The following SEC24B variants were observed in gnomAD, a reference collection of about 807,000 sequenced individuals.
SEC24B encodes protein transport protein Sec24B.
A neutral mutation model predicts 142.8 loss-of-function variants in SEC24B; 45 were observed. The observed-to-expected ratio is 0.32, with a 90% CI of 0.25 to 0.40. The LOEUF is 0.40. SEC24B is among the 10% of genes least tolerant of loss of function. The probability of loss-of-function intolerance (pLI) is 1.00; values close to 1 mark genes in which losing one functional copy is unlikely to be tolerated. For synonymous variants in SEC24B, 574 were observed against 568.2 expected, an observed-to-expected ratio of 1.01 and a Z score of -0.15; for missense variants, 1,409 against 1,526.8, an observed-to-expected ratio of 0.92 and a Z score of 1.29.
intron 3 of SEC24B, among the ~76,000 whole-genome samples, chr4:109,475,976 CTTT>C (rs1380504234): frequency 6.8e-6 from 1 of 146,520 alleles, no homozygotes; most frequent in African/African-American, 2.7e-5. Flanking sequence ...ATCATTACAA[CTTT>C]TTCTCTCTCT....
chr4:109,495,298 C>T (rs925332265), intron 6 of SEC24B, among the ~76,000 whole-genome samples: 2 of 152,190 alleles, frequency 1.3e-5, no homozygotes, highest in Non-Finnish European at 2.9e-5. Flanking sequence ...ACATAACTCA[C>T]CTTGATGAGA....
chr4:109,463,796 A>T (rs775864804), intron 2 of SEC24B, 152 bp downstream of exon 2: 30 of 1,273,262 alleles, frequency 2.4e-5, no homozygotes, highest in Non-Finnish European at 3.2e-5. Flanking sequence ...ACCTCTTTGA[A>T]CCCTTTCTTC....
chr4:109,434,531 G>C (rs1198570902), intron 1 of SEC24B, among the ~76,000 whole-genome samples: 3 of 152,176 alleles, frequency 2.0e-5, no homozygotes, highest in Non-Finnish European at 4.4e-5. Context: ...CAGCGAACAC[G>C]CTGCCTTGAG....
chr4:109,530,856 G>A (rs12641472), intron 19 of SEC24B, among the ~76,000 whole-genome samples: 6,905 of 136,464 alleles, frequency 0.051, 183 homozygotes, highest in African/African-American at 0.078. Flanking sequence ...AGATCATGCC[G>A]CTGCACCCCA....
chr4:109,467,185 G>A (rs1377081110), intron 2 of SEC24B, among the ~76,000 whole-genome samples: 1 of 151,502 alleles, frequency 6.6e-6, no homozygotes, highest in African/African-American at 2.4e-5. Context: ...AATTAGCCGG[G>A]CGTGGTAGCG....
intron 4 of SEC24B, among the ~76,000 whole-genome samples, chr4:109,482,601 C>G (rs977829967): frequency 6.6e-6 from 1 of 152,028 alleles, no homozygotes; most frequent in East Asian, 1.9e-4. Flanking sequence ...TACACATAAA[C>G]TAAAGATAAT....
chr4:109,520,386 C>G lies in SEC24B; in HGVS notation c.2147C>G (p.Thr716Arg). ...TTTAGGCTTCCTGGAGATTCACGAA[C>G]AAGAATAGGATTCATGACCTTTGAT... ...NLDKLPGDSR[T>R]RIGFMTFDST... Residue 716 changes from threonine to arginine, a missense_variant, in exon 12 of 24, where the codon ACA (threonine) becomes AGA (arginine). Physicochemically the swap from Thr to Arg is moderately conservative, Grantham distance 71. This residue lies in a region of SEC24B where 700 missense variants were observed against 853.3 expected (regional missense o/e 0.82). Transcript: ENST00000265175. 3 of 1,607,182 alleles carry G rather than the reference C, an allele frequency of 1.9e-6. No homozygotes were observed. The highest frequency in any genetic ancestry group is 2.6e-6 in the Non-Finnish European group (3 of 1,175,856).
chr4:109,465,403 G>C (rs1356718695), intron 2 of SEC24B, among the ~76,000 whole-genome samples: 1 of 152,176 alleles, frequency 6.6e-6, no homozygotes, highest in Non-Finnish European at 1.5e-5. Context: ...TTTTACTGTA[G>C]TCCTTTTGTT....
intron 22 of SEC24B, among the ~76,000 whole-genome samples, chr4:109,536,630 C>T (rs528261224): frequency 2.6e-5 from 4 of 152,150 alleles, no homozygotes; most frequent in East Asian, 3.9e-4. Context: ...CCCGGGTTCG[C>T]GCCATTCTCC....
At chr4:109,516,851 A>C (rs530145548) in intron 11 of SEC24B, among the ~76,000 whole-genome samples, 1 of 152,280 alleles carries the variant, frequency 6.6e-6, no homozygotes, top group Admixed American at 6.5e-5. Context: ...AAAATCTAGT[A>C]TTTAGTCAGG....
intron 7 of SEC24B, among the ~76,000 whole-genome samples, chr4:109,506,796 A>C (rs1736735319): frequency 6.6e-6 from 1 of 152,158 alleles, no homozygotes; most frequent in African/African-American, 2.4e-5. Flanking sequence ...TTTATTTCTT[A>C]AATCTTTTTC....
At chr4:109,480,273 C>T (rs1733602964) in intron 3 of SEC24B, among the ~76,000 whole-genome samples, 1 of 150,316 alleles carries the variant, frequency 6.7e-6, no homozygotes. Flanking sequence ...TGCTAGTCAC[C>T]TGAAAAAAAA....
chr4:109,519,145 A>G (rs1462251060), intron 11 of SEC24B, among the ~76,000 whole-genome samples: 2 of 152,040 alleles, frequency 1.3e-5, no homozygotes, highest in Admixed American at 6.6e-5. Context: ...AAGAGGGTAC[A>G]CCATTCTTGG....
chr4:109,532,656 T>A lies in SEC24B; in HGVS notation c.3408T>A (p.Asn1136Lys), dbSNP rs765513692. 4 of 1,613,256 alleles carry A rather than the reference T, an allele frequency of 2.5e-6. No homozygotes were observed. The highest frequency in any genetic ancestry group is 3.4e-6 in the Non-Finnish European group (4 of 1,179,242). ...RLTDEGAVHV[N>K]DRIVPQPPLQ... ...CTTTTCAGGGTGCAGTACATGTTAA[T>A]GACAGGATTGTACCACAGCCACCTC... is the stretch of plus-strand genomic sequence containing the variant. The change falls in exon 21 of 24, where the codon AAT (asparagine) becomes AAA (lysine). Residue 1136 changes from asparagine (N) to lysine (K), a missense_variant. Coordinates refer to ENST00000265175, the MANE Select transcript of SEC24B (RefSeq NM_006323.5).
chr4:109,472,615 A>G (rs1388775173), intron 2 of SEC24B, among the ~76,000 whole-genome samples: 2 of 152,204 alleles, frequency 1.3e-5, no homozygotes, highest in Non-Finnish European at 2.9e-5. Context: ...TACCTGAGTC[A>G]CCATTGCATA....
chr4:109,521,473 A>G lies in SEC24B; in HGVS notation c.2355A>G (p.Glu785=), dbSNP rs1723607283. Residue 785 remains glutamate (E), a synonymous_variant, in exon 14 of 24, where the codon GAA becomes GAG. Coordinates refer to ENST00000265175, the MANE Select transcript of SEC24B (RefSeq NM_006323.5). Reference sequence around the variant, plus strand: ...CAAACATGTTCACCAATACAAGAGAAACACACAGTGCCCTTGGTCCTGCAC... The same window carrying G: ...CAAACATGTTCACCAATACAAGAGAGACACACAGTGCCCTTGGTCCTGCAC... The part of the protein sequence containing the change: ...ALPNMFTNTR[E]THSALGPALQ... The G allele has an allele frequency of 6.2e-7, 1 of 1,614,066 alleles. No homozygotes were observed. Among genetic ancestry groups the G allele is most frequent in the African/African-American group, 1.3e-5 (1 of 74,934 alleles).
Position 109,499,822 on chromosome 4 carries a change from A to G in SEC24B, c.1488+4966A>G, listed in dbSNP as rs117882932. On this transcript the variant is annotated intron_variant, in intron 6 of 23. Transcript: ENST00000265175. ...ACTACTGGTTTATGTATTTACTCAT[A>G]CTAAACTTTTTATCTTTATTTTAGA... Among the ~76,000 whole-genome samples, 806 of 152,298 alleles carry G rather than the reference A, an allele frequency of 5.3e-3. 35 individuals carry two copies. The South Asian group carries it at 0.079, about 15-fold the overall frequency.
intron 4 of SEC24B, among the ~76,000 whole-genome samples, chr4:109,482,327 T>C (rs1273400130): frequency 6.6e-6 from 1 of 152,234 alleles, no homozygotes; most frequent in Non-Finnish European, 1.5e-5. Context: ...GAAGAAGTTG[T>C]GCATATGGTT....
intron 1 of SEC24B, chr4:109,451,218 A>G (rs752947263): frequency 3.3e-5 from 5 of 152,118 alleles, no homozygotes; most frequent in Non-Finnish European, 7.4e-5. Flanking sequence ...CTATAATCCA[A>G]TGCTGTATAT....
Sources: allele counts gnomAD v4.1 joint callset (sites outside exome capture counted in the v4.1 genomes callset), GRCh38; gene constraint gnomAD v4.1.1; regional missense constraint gnomAD v4.1.1; transcripts MANE v1.5; gene names NCBI Gene and HGNC (gene_info 2026-07-23, HGNC 2026-07-21).